CDYL2: variants seen among roughly 807,000 people sequenced by gnomAD.
The protein encoded by CDYL2 is chromodomain Y-like protein 2.
CDYL2 carries 23 observed loss-of-function variants against 49.4 expected under a neutral mutation model. The ratio of observed to expected loss-of-function variants is 0.47; its 90% CI spans 0.34 to 0.66. CDYL2 has a LOEUF of 0.66. CDYL2 is among the 30% of genes least tolerant of loss of function. The probability of loss-of-function intolerance (pLI) is 0.01; values close to 1 mark genes in which losing one functional copy is unlikely to be tolerated. For synonymous variants in CDYL2, 360 were observed against 268.8 expected, an observed-to-expected ratio of 1.34 and a Z score of -3.32; for missense variants, 678 against 656.4, an observed-to-expected ratio of 1.03 and a Z score of -0.36.
At chr16:80,670,906 C>CT (rs1165920279) in intron 2 of CDYL2, 1 of 455,992 alleles carries the variant, frequency 2.2e-6, no homozygotes. Context: ...AAAAGGGGCT[C>CT]TATACACAGG....
In CDYL2 at chr16:80,649,566, A is replaced by T. The variant is rs1908497496; in HGVS notation, c.617-16330T>A. ...CTACCCAAAGTAATCTACAGATTCAATGTAATCCCTCTCAAAATACCAATA... is the reference window on the plus strand; with the variant it reads ...CTACCCAAAGTAATCTACAGATTCATTGTAATCCCTCTCAAAATACCAATA... On this transcript the variant is annotated intron_variant, in intron 2 of 6. Coordinates refer to ENST00000570137, the MANE Select transcript of CDYL2 (RefSeq NM_152342.4). Among the ~76,000 whole-genome samples the T allele has an allele frequency of 2.0e-5, 3 of 152,210 alleles. No homozygotes were observed. The South Asian group carries it at 6.2e-4, about 32-fold the overall frequency.
In CDYL2 at chr16:80,633,167, T is replaced by C. The variant is rs1158238345; in HGVS notation, c.686A>G (p.Asp229Gly). The C allele has an allele frequency of 1.2e-6, 2 of 1,614,224 alleles. No individual in the cohort carries two copies. Among genetic ancestry groups the C allele is most frequent in the Non-Finnish European group, 1.7e-6 (2 of 1,180,034 alleles). The change falls in exon 3 of 7, where the codon GAC (aspartate) becomes GGC (glycine). Residue 229 changes from aspartate to glycine, a missense_variant. Transcript: ENST00000570137. Reference sequence around the variant, plus strand: ...TCTGAGCCTTTTGTCAAAGACGTAGTCCTTCTCCGCTTCCAGCTTCCTCTT... The same window carrying C: ...TCTGAGCCTTTTGTCAAAGACGTAGCCCTTCTCCGCTTCCAGCTTCCTCTT... ...PVKRKLEAEK[D>G]YVFDKRLRYS...
chr16:80,612,852 G>T lies in CDYL2; in HGVS notation c.1008-16C>A, dbSNP rs753420301. 6.3e-7 allele frequency: 1 copy of T among 1,594,400 alleles called. No individual in the cohort carries two copies. The highest frequency in any genetic ancestry group is 1.3e-5 in the African/African-American group (1 of 74,466). On this transcript the variant is annotated splice_polypyrimidine_tract_variant and intron_variant, in intron 4 of 6. Coordinates refer to ENST00000570137, the MANE Select transcript of CDYL2 (RefSeq NM_152342.4). This position sits in a 1 kb window ranked among gnomAD's most constrained non-coding sequence, Gnocchi z 5.0. Reference sequence around the variant, plus strand: ...CACAAAGTCCCTGGGAGAGAAAGAAGATCCTCTTGAACAGGTGACTATAGC... The same window carrying T: ...CACAAAGTCCCTGGGAGAGAAAGAATATCCTCTTGAACAGGTGACTATAGC...
intron 1 of CDYL2, among the ~76,000 whole-genome samples, chr16:80,800,043 T>C (rs1907879884): frequency 6.6e-6 from 1 of 152,190 alleles, no homozygotes; most frequent in Non-Finnish European, 1.5e-5. Context: ...CCTAGCTTGT[T>C]TATACTTTGC....
chr16:80,680,025 G>A (rs1213618572), intron 2 of CDYL2, among the ~76,000 whole-genome samples: 2 of 152,190 alleles, frequency 1.3e-5, no homozygotes, highest in African/African-American at 4.8e-5. Flanking sequence ...CTTGCGCTTA[G>A]TTTCCAACTG....
chr16:80,668,000 G>A (rs1278340002), intron 2 of CDYL2, among the ~76,000 whole-genome samples: 1 of 152,240 alleles, frequency 6.6e-6, no homozygotes, highest in Non-Finnish European at 1.5e-5. Flanking sequence ...AGGAACATGA[G>A]AAGATGCTCA....
intron 1 of CDYL2, among the ~76,000 whole-genome samples, chr16:80,735,666 G>A (rs190091242): frequency 6.6e-6 from 1 of 152,170 alleles, no homozygotes. Flanking sequence ...TTCTAGAAAA[G>A]CTCCGGGAAG....
intron 3 of CDYL2, among the ~76,000 whole-genome samples, chr16:80,630,296 T>C (rs1207531507): frequency 2.0e-5 from 3 of 152,206 alleles, no homozygotes; most frequent in Non-Finnish European, 4.4e-5. Context: ...GGTGAGAACC[T>C]GTGCACCTTA....
At chr16:80,781,573 C>T (rs927290929) in intron 1 of CDYL2, among the ~76,000 whole-genome samples, 12 of 152,132 alleles carry the variant, frequency 7.9e-5, no homozygotes, top group African/African-American at 2.9e-4. Context: ...CCAACAACAA[C>T]AGAGCATACA....
intron 2 of CDYL2, among the ~76,000 whole-genome samples, chr16:80,642,085 T>C (rs1908120668): frequency 1.3e-5 from 2 of 152,182 alleles, no homozygotes; most frequent in East Asian, 1.9e-4. Context: ...CTTCAAGACA[T>C]AGTACAATAA....
Position 80,626,007 on chromosome 16 carries a change from G to C in CDYL2, c.835-5072C>G, listed in dbSNP as rs148006506. Among the ~76,000 whole-genome samples the C allele has an allele frequency of 2.2e-4, 34 of 152,102 alleles. No homozygotes were observed. The East Asian group carries it at 6.4e-3, about 29-fold the overall frequency. ...ACTGACCTGCAAGGAATAATAACCA[G>C]CAAAGAAATTGGTGGATCACACCTG... On this transcript the variant is annotated intron_variant, in intron 3 of 6. Coordinates refer to ENST00000570137, the MANE Select transcript of CDYL2 (RefSeq NM_152342.4).
At chr16:80,611,297 G>A (rs1346736401) in intron 5 of CDYL2, among the ~76,000 whole-genome samples, 1 of 152,222 alleles carries the variant, frequency 6.6e-6, no homozygotes, top group Non-Finnish European at 1.5e-5. Flanking sequence ...GAGGAAAAAG[G>A]GAGCTGACTG....
In CDYL2 at chr16:80,650,241, G is replaced by C. The variant is rs142059813; in HGVS notation, c.617-17005C>G. ...CCATCTGACAAGGGATTAATAACCA[G>C]CATATATAAGGAGCTCAAACAACTC... On this transcript the variant is annotated intron_variant, in intron 2 of 6. Transcript: ENST00000570137. 1.5e-3 allele frequency among the ~76,000 whole-genome samples: 228 copies of C among 152,192 alleles called. 1 individual carries two copies. Among genetic ancestry groups the C allele is most frequent in the Non-Finnish European group, 2.8e-3 (192 of 68,012 alleles).
chr16:80,648,688 A>C (rs1338739081), intron 2 of CDYL2, among the ~76,000 whole-genome samples: 2 of 151,738 alleles, frequency 1.3e-5, no homozygotes, highest in African/African-American at 2.4e-5. Context: ...GAAAGAAAAA[A>C]AATAAAAAAA....
chr16:80,646,714 G>A (rs1908362436), intron 2 of CDYL2, among the ~76,000 whole-genome samples: 1 of 152,140 alleles, frequency 6.6e-6, no homozygotes. Flanking sequence ...GCTTGAACCA[G>A]GGAGTCAGAG....
At chr16:80,733,590 TGAGC>T (rs1472527698) in intron 1 of CDYL2, among the ~76,000 whole-genome samples, 1 of 152,172 alleles carries the variant, frequency 6.6e-6, no homozygotes, top group Admixed American at 6.5e-5. Context: ...GAGAAATGCC[TGAGC>T]AAGAGGAAAT....
intron 1 of CDYL2, among the ~76,000 whole-genome samples, chr16:80,762,067 T>G (rs925857790): frequency 6.6e-6 from 1 of 151,782 alleles, no homozygotes; most frequent in African/African-American, 2.4e-5. Context: ...ACAACAGTAG[T>G]CCCAGGTACT....
intron 1 of CDYL2, among the ~76,000 whole-genome samples, chr16:80,716,539 G>A (rs1352776310): frequency 6.6e-6 from 1 of 152,018 alleles, no homozygotes; most frequent in African/African-American, 2.4e-5. Context: ...TGGATGAATA[G>A]ATGACTAAAT....
intron 1 of CDYL2, among the ~76,000 whole-genome samples, chr16:80,704,165 C>A (rs547939664): frequency 3.3e-5 from 5 of 152,146 alleles, no homozygotes; most frequent in Non-Finnish European, 7.3e-5. Context: ...CCTTTCGCAC[C>A]CTCATCCAAG....
Sources: allele counts gnomAD v4.1 joint callset (sites outside exome capture counted in the v4.1 genomes callset), GRCh38; gene constraint gnomAD v4.1.1; non-coding constraint Gnocchi (gnomAD v3.1); transcripts MANE v1.5; gene names NCBI Gene and HGNC (gene_info 2026-07-23, HGNC 2026-07-21).